Variants in TMEM38B observed in about 807,000 individuals in gnomAD.
TMEM38B encodes the protein transmembrane protein 38B.
TMEM38B carries 24 observed loss-of-function variants against 28.7 expected under a neutral mutation model. That is an observed-to-expected ratio of 0.84 (90% CI 0.61 to 1.18). TMEM38B has a LOEUF of 1.18. TMEM38B is among the 50% of genes most tolerant of loss of function. The probability of loss-of-function intolerance (pLI) is 0.00; values close to 1 mark genes in which losing one functional copy is unlikely to be tolerated. For synonymous variants in TMEM38B, 131 were observed against 127.7 expected, an observed-to-expected ratio of 1.03 and a Z score of -0.17; for missense variants, 380 against 350.9, an observed-to-expected ratio of 1.08 and a Z score of -0.66.
intron 4 of TMEM38B, among the ~76,000 whole-genome samples, chr9:105,747,489 A>G (rs1837458043): frequency 1.3e-5 from 2 of 152,112 alleles, no homozygotes; most frequent in South Asian, 4.1e-4. Flanking sequence ...TAGTCTTGCT[A>G]GCGGTCTATC....
At chr9:105,734,865 C>CTT (rs35839234) in intron 4 of TMEM38B, among the ~76,000 whole-genome samples, 3 of 135,104 alleles carry the variant, frequency 2.2e-5, no homozygotes, top group East Asian at 2.1e-4. Flanking sequence ...GTAGTTGGAT[C>CTT]TTTTTTTTTT....
chr9:105,759,238 T>G lies in TMEM38B; in HGVS notation c.660+11048T>G, dbSNP rs577071075. The G allele has an allele frequency of 2.8e-4, 201 of 716,168 alleles. No individual in the cohort carries two copies. The African/African-American group carries it at 3.2e-3, about 11-fold the overall frequency. The allele number at this position is 716,168 out of a possible 1,614,324, so 44.4% of individuals were successfully genotyped here. ...GAATTATTTGTGAACATTTTGGTTGTTTGTGGCTATGTCATAGTTTCAGAT... is the reference window on the plus strand; with the variant it reads ...GAATTATTTGTGAACATTTTGGTTGGTTGTGGCTATGTCATAGTTTCAGAT... On this transcript the variant is annotated intron_variant, in intron 5 of 5. Transcript: ENST00000374692.
chr9:105,725,462 A>G (rs1836475044), intron 4 of TMEM38B, among the ~76,000 whole-genome samples: 1 of 151,254 alleles, frequency 6.6e-6, no homozygotes, highest in Non-Finnish European at 1.5e-5. Context: ...GTTTGTGTTT[A>G]TGTATATAGT....
intron 5 of TMEM38B, among the ~76,000 whole-genome samples, chr9:105,755,468 A>G (rs912567369): frequency 2.0e-5 from 3 of 149,392 alleles, no homozygotes; most frequent in African/African-American, 7.4e-5. Context: ...TGAAGAATGA[A>G]GAAAAATAGA....
intron 4 of TMEM38B, among the ~76,000 whole-genome samples, chr9:105,745,426 A>C (rs969835897): frequency 2.0e-5 from 3 of 152,052 alleles, no homozygotes. Context: ...TCACTTGTTG[A>C]TGGGGTTGTT....
At chr9:105,717,467 G>A (rs181607783) in intron 2 of TMEM38B, among the ~76,000 whole-genome samples, 1 of 152,296 alleles carries the variant, frequency 6.6e-6, no homozygotes, top group African/African-American at 2.4e-5. Flanking sequence ...CTCTCTGTCA[G>A]CAGAGAAATG....
chr9:105,741,473 T>C (rs931442473), intron 4 of TMEM38B, among the ~76,000 whole-genome samples: 2 of 152,214 alleles, frequency 1.3e-5, no homozygotes, highest in Non-Finnish European at 2.9e-5. Flanking sequence ...TATATTGTTA[T>C]AAGCAAAATG....
intron 1 of TMEM38B, among the ~76,000 whole-genome samples, chr9:105,702,397 A>G (rs1835491760): frequency 6.6e-6 from 1 of 152,202 alleles, no homozygotes; most frequent in African/African-American, 2.4e-5. Context: ...AACTGTTTTG[A>G]AAATAGCTAC....
At chr9:105,697,217 C>T (rs890428256) in intron 1 of TMEM38B, among the ~76,000 whole-genome samples, 24 of 152,198 alleles carry the variant, frequency 1.6e-4, no homozygotes, top group African/African-American at 5.5e-4. Context: ...TTTGTGTAAG[C>T]TGTCCCCTAT....
In TMEM38B at chr9:105,705,177, GTTTA is replaced by G. The variant is rs541151514; in HGVS notation, c.113-412_113-409del. On this transcript the variant is annotated intron_variant, in intron 1 of 5. Transcript: ENST00000374692. ...TCTCACCTGTCTTGTTGAAAGCTTAGTTTATTTATTTCAACTTCTTTATTTTCCA... is the reference window on the plus strand; with the variant it reads ...TCTCACCTGTCTTGTTGAAAGCTTAGTTTATTTCAACTTCTTTATTTTCCA... Among the ~76,000 whole-genome samples, 60 of 152,172 alleles carry G rather than the reference GTTTA, an allele frequency of 3.9e-4. No homozygotes were observed. In the South Asian group the frequency reaches 7.1e-3, roughly 18 times the overall value.
chr9:105,747,827 G>A (rs1365495651), intron 4 of TMEM38B, among the ~76,000 whole-genome samples: 6 of 152,068 alleles, frequency 3.9e-5, no homozygotes, highest in African/African-American at 1.4e-4. Context: ...CCTTCATTTT[G>A]TTATGCACCC....
intron 5 of TMEM38B, among the ~76,000 whole-genome samples, chr9:105,750,877 T>G (rs899642766): frequency 1.3e-5 from 2 of 152,232 alleles, no homozygotes; most frequent in African/African-American, 4.8e-5. Flanking sequence ...GTCTGAGCAC[T>G]ATTTATTGTA....
At chr9:105,760,262 C>A in intron 5 of TMEM38B, 1 of 798,036 alleles carries the variant, frequency 1.3e-6, no homozygotes, top group Non-Finnish European at 2.3e-6. Context: ...ATGATACATA[C>A]CTTTTCTCGA....
intron 5 of TMEM38B, among the ~76,000 whole-genome samples, chr9:105,750,173 A>AT (rs1399984705): frequency 6.6e-6 from 1 of 152,058 alleles, no homozygotes; most frequent in African/African-American, 2.4e-5. Context: ...TCATTTGCCC[A>AT]TTTTCAATTT....
intron 1 of TMEM38B, among the ~76,000 whole-genome samples, chr9:105,697,910 G>A (rs1225538197): frequency 1.3e-5 from 2 of 151,954 alleles, no homozygotes; most frequent in African/African-American, 4.8e-5. Flanking sequence ...GTATAGGTTC[G>A]TAATCTATCT....
chr9:105,772,185 C>G (rs1826568893), intron 5 of TMEM38B, among the ~76,000 whole-genome samples: 2 of 152,178 alleles, frequency 1.3e-5, no homozygotes, highest in African/African-American at 4.8e-5. Flanking sequence ...GCTCTTTGGC[C>G]TCTCAGCTAT....
At chr9:105,751,808 G>A (rs984180885) in intron 5 of TMEM38B, among the ~76,000 whole-genome samples, 9 of 152,208 alleles carry the variant, frequency 5.9e-5, no homozygotes, top group African/African-American at 2.2e-4. Context: ...CCACAATGCA[G>A]CACAGCTGCC....
rs185541388 is a variant in TMEM38B at position 105,775,432 on chromosome 9, A to G, written c.*1352A>G. The stretch of plus-strand genomic sequence containing the variant: ...CCAAAACCATGAACCTACTCCCCGT[A>G]TCAGGTATTTTCGATGGTTTAGAAG... On this transcript the variant is annotated 3_prime_UTR_variant, in exon 6 of 6. Transcript: ENST00000374692. The G allele has an allele frequency of 3.7e-3, 568 of 152,252 alleles. 4 individuals carry two copies. Among genetic ancestry groups the G allele is most frequent in the African/African-American group, 0.013 (531 of 41,574 alleles). The allele number at this position is 152,252 out of a possible 1,614,324, so 9.4% of individuals were successfully genotyped here.
At chr9:105,720,422 G>A (rs1186639427) in intron 2 of TMEM38B, among the ~76,000 whole-genome samples, 1 of 152,044 alleles carries the variant, frequency 6.6e-6, no homozygotes, top group African/African-American at 2.4e-5. Flanking sequence ...AGAGCCATCA[G>A]AATGTAGTCT....
Sources: allele counts gnomAD v4.1 joint callset (sites outside exome capture counted in the v4.1 genomes callset), GRCh38; gene constraint gnomAD v4.1.1; transcripts MANE v1.5; gene names NCBI Gene and HGNC (gene_info 2026-07-23, HGNC 2026-07-21).